ASIC2: variants seen among roughly 807,000 people sequenced by gnomAD.
ASIC2 encodes the protein acid-sensing ion channel 2.
Under a neutral mutation model 57.3 loss-of-function variants are expected in ASIC2, and 25 were observed. The observed-to-expected ratio is 0.44, with a 90% CI of 0.32 to 0.61. The LOEUF is 0.61. Ranked by LOEUF, ASIC2 falls within the 20% of genes least tolerant of loss-of-function variation. The pLI is 0.06. For missense variants in ASIC2, 641 were observed against 738.1 expected (o/e 0.87, Z 1.52); for synonymous variants, 319 against 307.5 (o/e 1.04, Z -0.39).
chr17:33,227,802 G>T (rs1387347028), intron 1 of ASIC2, among the ~76,000 whole-genome samples: 1 of 152,204 alleles, frequency 6.6e-6, no homozygotes, highest in Non-Finnish European at 1.5e-5. Context: ...TTTGCTCCAG[G>T]ATTCAGCTGG....
intron 1 of ASIC2, among the ~76,000 whole-genome samples, chr17:33,602,423 G>A (rs541394259): frequency 2.8e-4 from 43 of 151,800 alleles, no homozygotes; most frequent in Middle Eastern, 3.4e-3. Flanking sequence ...GGCCCCCTTC[G>A]CTCTCTCTCT....
chr17:33,271,971 A>G (rs1904509709), intron 1 of ASIC2, among the ~76,000 whole-genome samples: 2 of 152,180 alleles, frequency 1.3e-5, no homozygotes, highest in South Asian at 4.1e-4. Flanking sequence ...TCTGCTCAAG[A>G]CATACAGGCC....
chr17:33,197,818 C>A (rs543948477), intron 1 of ASIC2, among the ~76,000 whole-genome samples: 2 of 152,098 alleles, frequency 1.3e-5, no homozygotes, highest in Non-Finnish European at 2.9e-5. Flanking sequence ...GAATTCAAAC[C>A]GGGCTTTGTA....
chr17:33,604,349 A>C (rs772420963), intron 1 of ASIC2, among the ~76,000 whole-genome samples: 33 of 113,458 alleles, frequency 2.9e-4, no homozygotes, highest in Non-Finnish European at 6.0e-4. Flanking sequence ...TGGAGTGGAC[A>C]TGGAGAGCAG....
At chr17:33,182,074 G>A (rs933066444) in intron 1 of ASIC2, among the ~76,000 whole-genome samples, 2 of 152,204 alleles carry the variant, frequency 1.3e-5, no homozygotes, top group Admixed American at 6.5e-5. Flanking sequence ...AGTGTGACAA[G>A]TAGGTTGAGA....
At chr17:33,980,246 G>A (rs960912304) in intron 1 of ASIC2, among the ~76,000 whole-genome samples, 1 of 152,172 alleles carries the variant, frequency 6.6e-6, no homozygotes, top group African/African-American at 2.4e-5. Context: ...CATATTTTCA[G>A]GACTCAAGAG....
intron 1 of ASIC2, among the ~76,000 whole-genome samples, chr17:34,134,308 T>A (rs1439286646): frequency 2.0e-5 from 3 of 152,162 alleles, no homozygotes; most frequent in Non-Finnish European, 4.4e-5. Context: ...ACAACATCCA[T>A]CTTTAAGTAC....
intron 1 of ASIC2, among the ~76,000 whole-genome samples, chr17:33,653,132 G>A (rs749234895): frequency 5.3e-5 from 8 of 152,186 alleles, no homozygotes; most frequent in Non-Finnish European, 7.4e-5. Flanking sequence ...AGCTTTATTC[G>A]AATGGCTGGA....
intron 1 of ASIC2, among the ~76,000 whole-genome samples, chr17:33,496,603 G>GTTTTTTTTT (rs61267122): frequency 4.2e-5 from 3 of 70,996 alleles, no homozygotes; most frequent in Non-Finnish European, 4.9e-5. Flanking sequence ...GTTATTGTAG[G>GTTTTTTTTT]TTTTTTTTTT....
intron 1 of ASIC2, among the ~76,000 whole-genome samples, chr17:33,212,361 A>G (rs150727641): frequency 6.6e-6 from 1 of 152,288 alleles, no homozygotes; most frequent in East Asian, 1.9e-4. Flanking sequence ...ATGGAAGCAA[A>G]GATTGGAGTG....
intron 1 of ASIC2, among the ~76,000 whole-genome samples, chr17:33,635,551 C>A (rs1906331107): frequency 6.6e-6 from 1 of 152,210 alleles, no homozygotes; most frequent in Admixed American, 6.5e-5. Context: ...ATTTAATCTT[C>A]TGCTCTGCAA....
chr17:33,736,186 G>C (rs1025759525), intron 1 of ASIC2, among the ~76,000 whole-genome samples: 1 of 151,974 alleles, frequency 6.6e-6, no homozygotes, highest in African/African-American at 2.4e-5. Flanking sequence ...GGGCTATAAA[G>C]AGGCCACCTG....
chr17:33,136,107 G>A (rs1357469336), intron 1 of ASIC2, among the ~76,000 whole-genome samples: 1 of 152,216 alleles, frequency 6.6e-6, no homozygotes, highest in African/African-American at 2.4e-5. Flanking sequence ...CTGTGTGCTT[G>A]TGCATGTGTT....
intron 1 of ASIC2, among the ~76,000 whole-genome samples, chr17:33,239,262 G>T (rs1045576574): frequency 6.6e-6 from 1 of 152,064 alleles, no homozygotes; most frequent in African/African-American, 2.4e-5. Context: ...CTGCACTCCA[G>T]CCTGGGCAAC....
intron 1 of ASIC2, among the ~76,000 whole-genome samples, chr17:33,728,866 T>C (rs1285216085): frequency 2.0e-5 from 3 of 152,154 alleles, no homozygotes; most frequent in Non-Finnish European, 4.4e-5. Flanking sequence ...GAGGGTCATG[T>C]TGTGGGTGCA....
At chr17:33,025,550 A>T (rs190551161) in intron 5 of ASIC2, among the ~76,000 whole-genome samples, 2 of 152,060 alleles carry the variant, frequency 1.3e-5, no homozygotes, top group South Asian at 2.1e-4. Context: ...AGGTATTGCC[A>T]AGCTCCTCTG....
chr17:33,607,611 A>G (rs1283832958), intron 1 of ASIC2, among the ~76,000 whole-genome samples: 2 of 152,124 alleles, frequency 1.3e-5, no homozygotes, highest in East Asian at 3.9e-4. Context: ...AATGATGTCT[A>G]CATCTCCCCG....
rs189554286 is a variant in ASIC2, at chr17:33,315,327, G to A, written c.556-203260C>T. 6.2e-4 allele frequency among the ~76,000 whole-genome samples: 94 copies of A among 152,284 alleles called. 1 individual carries two copies. The highest frequency in any genetic ancestry group is 4.7e-3 in the Admixed American group (72 of 15,296). Reference sequence around the variant, plus strand: ...GGAGGGAGAAAACATGGGCCTGCCCGCTATGGCTATTATTCTGAGATTTAT... The same window carrying A: ...GGAGGGAGAAAACATGGGCCTGCCCACTATGGCTATTATTCTGAGATTTAT... On this transcript the variant is annotated intron_variant, in intron 1 of 9. Coordinates refer to the ASIC2 transcript ENST00000359872.
chr17:33,145,260 C>T (rs1008115423), intron 1 of ASIC2, among the ~76,000 whole-genome samples: 1 of 152,230 alleles, frequency 6.6e-6, no homozygotes, highest in Non-Finnish European at 1.5e-5. Context: ...CTTCTGGCAT[C>T]AGGGGACATT....
Sources: gnomAD v4.1 joint callset for allele counts (sites outside exome capture counted in the v4.1 genomes callset) on GRCh38, gnomAD v4.1.1 for gene constraint, MANE v1.5 for transcripts, NCBI Gene and HGNC (gene_info 2026-07-23, HGNC 2026-07-21) for gene names.